COL25A1: variants seen among roughly 807,000 people sequenced by gnomAD.
The protein encoded by COL25A1 is collagen alpha-1(XXV) chain.
In COL25A1, 103 loss-of-function variants were observed where a neutral mutation model predicts 128.4. The ratio of observed to expected loss-of-function variants is 0.80; its 90% CI spans 0.68 to 0.94. The LOEUF is 0.94. Among genes scored for constraint, COL25A1 ranks in the 40% least tolerant of loss-of-function variants. The probability of loss-of-function intolerance (pLI) is 0.00; values close to 1 mark genes in which losing one functional copy is unlikely to be tolerated. For missense variants in COL25A1, 745 were observed against 840.0 expected (o/e 0.89, Z 1.40); for synonymous variants, 279 against 277.2 (o/e 1.01, Z -0.06).
intron 3 of COL25A1, among the ~76,000 whole-genome samples, chr4:109,137,949 G>T (rs1769955680): frequency 6.7e-6 from 1 of 150,062 alleles, no homozygotes; most frequent in South Asian, 2.1e-4. Flanking sequence ...AATTAAGGAA[G>T]TAGGGAGAAA....
chr4:109,017,741 T>C (rs1757347728), intron 5 of COL25A1, among the ~76,000 whole-genome samples: 2 of 152,186 alleles, frequency 1.3e-5, no homozygotes, highest in African/African-American at 2.4e-5. Flanking sequence ...CTGTGACCAA[T>C]TTTAAATAAA....
rs750439371 is a variant in COL25A1 at position 108,827,141 on chromosome 4, C to A, written c.1758G>T (p.Gly586=). ...MGEPGPRGPY[G]LPGKDGEPGL... Reference sequence around the variant, plus strand: ...CATGTGACCAGGAACTCACAGGCAGCCCATAGGGCCCTCTTGGTCCAGGCT... The same window carrying A: ...CATGTGACCAGGAACTCACAGGCAGACCATAGGGCCCTCTTGGTCCAGGCT... The change falls in exon 33 of 38, where the codon GGG becomes GGT. Residue 586 remains glycine, a synonymous_variant. Coordinates refer to ENST00000399132, the MANE Select transcript of COL25A1 (RefSeq NM_198721.4). 1.2e-6 allele frequency: 2 copies of A among 1,613,624 alleles called. No individual in the cohort carries two copies. The highest frequency in any genetic ancestry group is 1.7e-6 in the Non-Finnish European group (2 of 1,179,814).
At chr4:108,822,885 T>C (rs974123603) in intron 35 of COL25A1, among the ~76,000 whole-genome samples, 10 of 152,306 alleles carry the variant, frequency 6.6e-5, no homozygotes, top group Admixed American at 5.9e-4. Flanking sequence ...TAATGCCAAC[T>C]TCGGGGGTTG....
chr4:109,012,555 C>T (rs1579078685), intron 5 of COL25A1, among the ~76,000 whole-genome samples: 1 of 152,138 alleles, frequency 6.6e-6, no homozygotes, highest in African/African-American at 2.4e-5. Context: ...GCTTGGCGGG[C>T]CCACACTTGG....
At chr4:108,918,241 A>C in intron 12 of COL25A1, 25 bp from the exon 13 acceptor site, 1 of 1,530,870 alleles carries the variant, frequency 6.5e-7, no homozygotes, top group South Asian at 1.2e-5. Flanking sequence ...GATTAAATTC[A>C]GTTGATATCA....
chr4:109,235,547 T>TACAC (rs58377954), intron 3 of COL25A1, among the ~76,000 whole-genome samples: 3,001 of 149,988 alleles, frequency 0.02, 75 homozygotes, highest in South Asian at 0.12. Flanking sequence ...CACACACGAA[T>TACAC]ACACACACAC....
chr4:108,986,980 A>G (rs943298475), intron 6 of COL25A1, among the ~76,000 whole-genome samples: 1 of 152,226 alleles, frequency 6.6e-6, no homozygotes. Context: ...AAGTAAGATT[A>G]GCAATTGATG....
chr4:108,813,676 T>C lies in COL25A1; in HGVS notation c.*251A>G, dbSNP rs1450023966. 6 of 410,514 alleles carry C rather than the reference T, an allele frequency of 1.5e-5. No individual in the cohort carries two copies. Among genetic ancestry groups the C allele is most frequent in the Admixed American group, 8.3e-5 (2 of 23,998 alleles). The allele number at this position is 410,514 out of a possible 1,614,324, so 25.4% of individuals were successfully genotyped here. ...ATTCTCTACCACTGATTTGTCCATA[T>C]AAATACGTATCTTCACATAAGATAA... On this transcript the variant is annotated 3_prime_UTR_variant, in exon 38 of 38. Transcript: ENST00000399132.
intron 3 of COL25A1, among the ~76,000 whole-genome samples, chr4:109,184,799 A>C (rs1774985558): frequency 6.6e-6 from 1 of 152,098 alleles, no homozygotes; most frequent in African/African-American, 2.4e-5. Context: ...TGCTACCACA[A>C]TATTCCTGCC....
Position 109,038,207 on chromosome 4 carries a change from G to A in COL25A1, c.420+9961C>T, listed in dbSNP as rs150860061. Among the ~76,000 whole-genome samples, 511 of 152,280 alleles carry A rather than the reference G, an allele frequency of 3.4e-3. 11 individuals are homozygous for A. Among genetic ancestry groups the A allele is most frequent in the Admixed American group, 0.032 (495 of 15,294 alleles). ...CTAGATGTTGCTGTGGAGATATTTT[G>A]TGGCTGTGATTAATGTTTACCATCA... On this transcript the variant is annotated intron_variant, in intron 5 of 37. Transcript: ENST00000399132.
At chr4:109,124,935 C>T (rs1196642009) in intron 3 of COL25A1, among the ~76,000 whole-genome samples, 1 of 151,956 alleles carries the variant, frequency 6.6e-6, no homozygotes, top group East Asian at 1.9e-4. Flanking sequence ...TTGATACTGA[C>T]CAAATGTCCT....
chr4:108,953,369 T>C (rs1280893489), intron 8 of COL25A1, among the ~76,000 whole-genome samples: 1 of 152,174 alleles, frequency 6.6e-6, no homozygotes, highest in Non-Finnish European at 1.5e-5. Flanking sequence ...ATAGAGTCTG[T>C]TGCTTGAGGA....
Position 109,279,395 on chromosome 4 carries a change from TA to T in COL25A1, c.367+21187del, listed in dbSNP as rs1307212351. ...GAGGTTGAGACCATCCTGGGCAAAA[TA>T]AAGACTCCATCTCTTCAAAAAATTA... is the stretch of plus-strand genomic sequence containing the variant. On this transcript the variant is annotated intron_variant, in intron 3 of 37. Transcript: ENST00000399132. Among the ~76,000 whole-genome samples the T allele has an allele frequency of 2.0e-5, 3 of 151,998 alleles. No homozygotes were observed. In the East Asian group the frequency reaches 5.8e-4, roughly 29 times the overall value.
chr4:109,234,243 AATC>A (rs1247697496), intron 3 of COL25A1, among the ~76,000 whole-genome samples: 4 of 152,086 alleles, frequency 2.6e-5, no homozygotes, highest in Non-Finnish European at 5.9e-5. Flanking sequence ...AAGAATTCTC[AATC>A]ATCTCCACTC....
chr4:108,853,338 T>C (rs1560751058), intron 24 of COL25A1, among the ~76,000 whole-genome samples: 1 of 152,018 alleles, frequency 6.6e-6, no homozygotes, highest in Non-Finnish European at 1.5e-5. Flanking sequence ...TCTCTTTTAG[T>C]CTGCAGCTCA....
Position 108,865,358 on chromosome 4 carries a change from T to G in COL25A1, c.1084-1971A>C, listed in dbSNP as rs537444433. Among the ~76,000 whole-genome samples, 40 of 152,256 alleles carry G rather than the reference T, an allele frequency of 2.6e-4. No individual in the cohort carries two copies. In the South Asian group the frequency reaches 7.5e-3, roughly 28 times the overall value. The stretch of plus-strand genomic sequence containing the variant: ...ACTTTGGGAAGCCTTTGTGGTTTTA[T>G]AGGGGAGGTGGGATAGGTTAGTCAA... On this transcript the variant is annotated intron_variant, in intron 20 of 37. Coordinates refer to ENST00000399132, the MANE Select transcript of COL25A1 (RefSeq NM_198721.4).
At chr4:109,012,002 CACTA>C (rs2126047222) in intron 5 of COL25A1, among the ~76,000 whole-genome samples, 1 of 149,034 alleles carries the variant, frequency 6.7e-6, no homozygotes, top group East Asian at 1.9e-4. Flanking sequence ...TCTATGGAGA[CACTA>C]TGAAGGTTTT....
At chr4:109,080,771 C>T (rs1219629835) in intron 3 of COL25A1, among the ~76,000 whole-genome samples, 1 of 152,136 alleles carries the variant, frequency 6.6e-6, no homozygotes, top group Admixed American at 6.5e-5. Flanking sequence ...GATTTTGCCA[C>T]CTAAATTTTA....
intron 3 of COL25A1, among the ~76,000 whole-genome samples, chr4:109,085,192 G>A (rs1165475621): frequency 4.6e-5 from 7 of 152,200 alleles, no homozygotes; most frequent in Middle Eastern, 3.4e-3. Flanking sequence ...ACCATTACCG[G>A]ACTGAGTCCT....
Sources: allele counts gnomAD v4.1 joint callset (sites outside exome capture counted in the v4.1 genomes callset), GRCh38; gene constraint gnomAD v4.1.1; transcripts MANE v1.5; gene names NCBI Gene and HGNC (gene_info 2026-07-23, HGNC 2026-07-21).